Variants in DENND2B observed in about 807,000 individuals in gnomAD.
The protein encoded by DENND2B is DENN domain containing 2B, also known as DENN domain-containing protein 2B.
Under a neutral mutation model 116.0 loss-of-function variants are expected in DENND2B, and 32 were observed. The ratio of observed to expected loss-of-function variants is 0.28; its 90% confidence interval spans 0.21 to 0.37. DENND2B has a LOEUF of 0.37. Among genes scored for constraint, DENND2B ranks in the 10% least tolerant of loss-of-function variants. DENND2B has a pLI of 1.00. For missense variants in DENND2B, 1,276 were observed against 1,477.7 expected (o/e 0.86, Z 2.24); for synonymous variants, 588 against 583.9 (o/e 1.01, Z -0.10).
intron 2 of DENND2B, among the ~76,000 whole-genome samples, chr11:8,746,619 A>C (rs2051303432): frequency 6.6e-6 from 1 of 152,230 alleles, no homozygotes; most frequent in Non-Finnish European, 1.5e-5. Flanking sequence ...TGGGTGGTCA[A>C]GAAAAACACT....
chr11:8,806,605 A>ACACACACACACACAC (rs2060861833), intron 1 of DENND2B, among the ~76,000 whole-genome samples: 1 of 118,494 alleles, frequency 8.4e-6, no homozygotes, highest in South Asian at 3.1e-4. Context: ...CTCCCTTCAA[A>ACACACACACACACAC]ACACACACAC....
At chr11:8,744,613 A>T (rs941975284) in intron 2 of DENND2B, among the ~76,000 whole-genome samples, 13 of 152,224 alleles carry the variant, frequency 8.5e-5, no homozygotes, top group Non-Finnish European at 7.3e-5. Context: ...AGAGAGCAGA[A>T]CCAAAAGCCC....
At chr11:8,775,644 C>T (rs1437102420) in intron 1 of DENND2B, among the ~76,000 whole-genome samples, 1 of 152,230 alleles carries the variant, frequency 6.6e-6, no homozygotes, top group Non-Finnish European at 1.5e-5. Flanking sequence ...CAAGGACACG[C>T]TGCCGGAAGC....
At chr11:8,787,040 A>G (rs3763920) in intron 1 of DENND2B, 89,570 of 151,900 alleles carry the variant, frequency 0.59, 27,211 homozygotes, top group East Asian at 0.66. Flanking sequence ...TACCAATTCT[A>G]TTTTACCAAA....
At chr11:8,848,621 T>C (rs1410620231) in intron 3 of DENND2B, among the ~76,000 whole-genome samples, 1 of 152,160 alleles carries the variant, frequency 6.6e-6, no homozygotes, top group Non-Finnish European at 1.5e-5. Flanking sequence ...CGAAATATTA[T>C]TGGGTAAATA....
chr11:8,760,387 G>T (rs2054389698), intron 1 of DENND2B, among the ~76,000 whole-genome samples: 1 of 152,140 alleles, frequency 6.6e-6, no homozygotes, highest in Non-Finnish European at 1.5e-5. Context: ...GGAGGCAGAG[G>T]CAGGAGGATT....
At chr11:8,736,755 A>C (rs936911161) in intron 2 of DENND2B, among the ~76,000 whole-genome samples, 2 of 152,176 alleles carry the variant, frequency 1.3e-5, no homozygotes, top group Non-Finnish European at 2.9e-5. Context: ...GAGTGGAGGG[A>C]AACAATGAAG....
At chr11:8,801,095 T>C (rs2060268279) in intron 1 of DENND2B, among the ~76,000 whole-genome samples, 1 of 151,732 alleles carries the variant, frequency 6.6e-6, no homozygotes, top group Non-Finnish European at 1.5e-5. Context: ...CCAATTCCCA[T>C]TCTGCTCTTT....
intron 2 of DENND2B, chr11:8,870,941 C>G (rs2134709890): frequency 1.3e-5 from 2 of 152,116 alleles, no homozygotes; most frequent in East Asian, 3.9e-4. Context: ...CCACCCGGCC[C>G]GGAGGCGCTT....
chr11:8,799,585 A>T lies in DENND2B; in HGVS notation c.-26+10932T>A, dbSNP rs1173040124. Among the ~76,000 whole-genome samples, 5 of 120,040 alleles carry T rather than the reference A, an allele frequency of 4.2e-5. No homozygotes were observed. The South Asian group carries it at 1.3e-3, about 31-fold the overall frequency. The allele number at this position is 120,040 out of a possible 152,430, so 78.8% of individuals were successfully genotyped here. ...TCTTTTTTTTTTTTTTTTTTTTTTA[A>T]GAGACAGTGTCTTGCTATGTTGCTC... On this transcript the variant is annotated intron_variant, in intron 1 of 19. Coordinates refer to ENST00000313726, the MANE Select transcript of DENND2B (RefSeq NM_213618.2).
At chr11:8,834,851 T>G (rs1023256704) in intron 4 of DENND2B, among the ~76,000 whole-genome samples, 1 of 152,220 alleles carries the variant, frequency 6.6e-6, no homozygotes, top group African/African-American at 2.4e-5. Flanking sequence ...ACAAGCTCAT[T>G]AATGAACAAC....
At chr11:8,755,844 G>C (rs1289018010) in intron 1 of DENND2B, among the ~76,000 whole-genome samples, 3 of 152,166 alleles carry the variant, frequency 2.0e-5, no homozygotes, top group Non-Finnish European at 4.4e-5. Context: ...TGATGATGAT[G>C]ATGATAAAGT....
At position 8,731,099 on chromosome 11, in the gene DENND2B, C is replaced by T. The variant is rs141444386; in HGVS notation, c.191G>A (p.Arg64Gln). 3 of 1,609,118 alleles carry T rather than the reference C, an allele frequency of 1.9e-6. No homozygotes were observed. Among genetic ancestry groups the T allele is most frequent in the Non-Finnish European group, 2.5e-6 (3 of 1,176,884 alleles). ...ACRYPSHSSS[R>Q]VLLKDRHPPA... ...GGGGTGCCGGTCCTTGAGGAGCACCCGGGAGCTGGAGTGGCTGGGGTACCT... is the reference window on the plus strand; with the variant it reads ...GGGGTGCCGGTCCTTGAGGAGCACCTGGGAGCTGGAGTGGCTGGGGTACCT... Residue 64 changes from arginine to glutamine, a missense_variant, in exon 3 of 20, where the codon CGG (arginine) becomes CAG (glutamine). Physicochemically the swap from Arg to Gln is conservative, Grantham distance 43 (BLOSUM62 1). Around this residue, in one of 2 missense-constraint regions of DENND2B, gnomAD observed 856 missense variants for 846.6 expected, o/e 1.01. Coordinates refer to ENST00000313726, the MANE Select transcript of DENND2B (RefSeq NM_213618.2).
At chr11:8,709,377 C>T (rs2043192842) in intron 11 of DENND2B, among the ~76,000 whole-genome samples, 1 of 152,210 alleles carries the variant, frequency 6.6e-6, no homozygotes, top group South Asian at 2.1e-4. Flanking sequence ...AGAGACCCAG[C>T]CCAGGCCCTC....
intron 1 of DENND2B, chr11:8,776,282 A>G (rs1226553128): frequency 2.2e-6 from 1 of 454,304 alleles, no homozygotes; most frequent in Non-Finnish European, 4.4e-6. Context: ...GGCAGCCTGG[A>G]GTGCTCTCCT....
chr11:8,803,384 C>CA (rs552662992), intron 1 of DENND2B, among the ~76,000 whole-genome samples: 20 of 151,926 alleles, frequency 1.3e-4, no homozygotes, highest in Admixed American at 6.6e-4. Flanking sequence ...GACTCTGTCT[C>CA]AAAAAAAATG....
At position 8,707,919 on chromosome 11, in the gene DENND2B, G is replaced by T. The variant is rs774452739; in HGVS notation, c.2353-65C>A. 4.5e-6 allele frequency: 7 copies of T among 1,561,798 alleles called. No homozygotes were observed. Among genetic ancestry groups the T allele is most frequent in the Non-Finnish European group, 3.5e-6 (4 of 1,154,272 alleles). On this transcript the variant is annotated intron_variant, in intron 11 of 19. Coordinates refer to ENST00000313726, the MANE Select transcript of DENND2B (RefSeq NM_213618.2). The surrounding 1 kb of genome is among the most constrained non-coding windows in gnomAD (Gnocchi z 4.8). The stretch of plus-strand genomic sequence containing the variant: ...AGAGAATGCATGATTACCATTTCTG[G>T]CTCCTTTTCCTTGGGAACGGAGGAG...
exon 2 of DENND2B, chr11:8,881,075 TGTGA>T (rs2063899625): frequency 6.6e-6 from 1 of 152,188 alleles, no homozygotes; most frequent in Non-Finnish European, 1.5e-5. Flanking sequence ...CCTTCATTTT[TGTGA>T]GTATCTCCTC....
chr11:8,769,225 ACGTAAAGCAACTT>A (rs1337680443), intron 1 of DENND2B, among the ~76,000 whole-genome samples: 1 of 143,478 alleles, frequency 7.0e-6, no homozygotes, highest in African/African-American at 2.6e-5. Context: ...GGTAACAGCA[ACGTAAAGCAACTT>A]CTTTTTTTTT....
Sources: gnomAD v4.1 joint callset for allele counts (sites outside exome capture counted in the v4.1 genomes callset) on GRCh38, gnomAD v4.1.1 for gene constraint, gnomAD v4.1.1 regional missense constraint, Gnocchi (gnomAD v3.1) non-coding constraint, MANE v1.5 for transcripts, NCBI Gene and HGNC (gene_info 2026-07-23, HGNC 2026-07-21) for gene names.